Variants in COL25A1 observed in about 807,000 individuals in gnomAD.
The protein encoded by COL25A1 is collagen type XXV alpha 1 chain, also known as collagen alpha-1(XXV) chain.
A neutral mutation model predicts 128.4 loss-of-function variants in COL25A1; 103 were observed. The observed-to-expected ratio is 0.80, with a 90% CI of 0.68 to 0.94. The LOEUF (loss-of-function observed/expected upper bound fraction) is 0.94. COL25A1 is among the 40% of genes least tolerant of loss of function. COL25A1 has a pLI of 0.00. For missense variants in COL25A1, 745 were observed against 840.0 expected, an observed-to-expected ratio of 0.89 and a Z score of 1.40; for synonymous variants, 279 against 277.2, an observed-to-expected ratio of 1.01 and a Z score of -0.06.
intron 5 of COL25A1, among the ~76,000 whole-genome samples, chr4:109,013,841 A>ACCG (rs1561026577): frequency 3.9e-5 from 6 of 151,938 alleles, no homozygotes; most frequent in African/African-American, 1.5e-4. Flanking sequence ...AACACTCACC[A>ACCG]TGAGAATCCG....
chr4:109,215,829 C>T (rs1410096592), intron 3 of COL25A1, among the ~76,000 whole-genome samples: 1 of 152,038 alleles, frequency 6.6e-6, no homozygotes, highest in Non-Finnish European at 1.5e-5. Flanking sequence ...AGCATGAGAC[C>T]CTCCTCAAAG....
intron 16 of COL25A1, among the ~76,000 whole-genome samples, chr4:108,890,420 G>GT (rs368607657): frequency 5.0e-4 from 76 of 152,248 alleles, no homozygotes; most frequent in African/African-American, 1.8e-3. Flanking sequence ...TTGAGAATCT[G>GT]TTTTTTTATA....
chr4:109,082,425 T>C (rs1281085322), intron 3 of COL25A1, among the ~76,000 whole-genome samples: 1 of 152,228 alleles, frequency 6.6e-6, no homozygotes, highest in Non-Finnish European at 1.5e-5. Context: ...CCCATCAGCA[T>C]GTATGAGGGT....
chr4:109,162,925 T>C (rs1772723194), intron 3 of COL25A1, among the ~76,000 whole-genome samples: 1 of 152,208 alleles, frequency 6.6e-6, no homozygotes, highest in Non-Finnish European at 1.5e-5. Context: ...GGATAAGTCG[T>C]TCTCTCTTCC....
intron 3 of COL25A1, among the ~76,000 whole-genome samples, chr4:109,188,934 G>A (rs1775363100): frequency 6.6e-6 from 1 of 151,764 alleles, no homozygotes; most frequent in South Asian, 2.1e-4. Context: ...GTGGGGGTAG[G>A]GGGCAGGGGA....
Position 108,896,713 on chromosome 4 carries a change from T to C in COL25A1, c.862-2A>G. 6.2e-7 allele frequency: 1 copy of C among 1,613,738 alleles called. No homozygotes were observed. Among genetic ancestry groups the C allele is most frequent in the South Asian group, 1.1e-5 (1 of 91,078 alleles). ...GGGGCCGTTCTCTCCAGCGTCTCCCTGAGGAGGTGAGAAAGTGACACATGT... is the reference window on the plus strand; with the variant it reads ...GGGGCCGTTCTCTCCAGCGTCTCCCCGAGGAGGTGAGAAAGTGACACATGT... On this transcript the variant is annotated splice_acceptor_variant, in intron 15 of 37. Coordinates refer to ENST00000399132, the MANE Select transcript of COL25A1 (RefSeq NM_198721.4). LOFTEE classifies it high-confidence loss of function.
intron 12 of COL25A1, among the ~76,000 whole-genome samples, chr4:108,918,958 C>T (rs960719231): frequency 6.6e-6 from 1 of 152,304 alleles, no homozygotes; most frequent in African/African-American, 2.4e-5. Flanking sequence ...TGACATTTAA[C>T]GGGATATAGA....
chr4:108,843,768 T>C (rs969974634), intron 30 of COL25A1, among the ~76,000 whole-genome samples: 2 of 152,192 alleles, frequency 1.3e-5, no homozygotes, highest in Non-Finnish European at 2.9e-5. Flanking sequence ...ATAATAACTA[T>C]ATATTTATGG....
At chr4:109,296,590 A>G (rs1264086776) in intron 3 of COL25A1, among the ~76,000 whole-genome samples, 1 of 152,126 alleles carries the variant, frequency 6.6e-6, no homozygotes, top group Admixed American at 6.6e-5. Context: ...ATGCCCTTCA[A>G]AATCATTCTT....
chr4:108,877,653 AAACT>A (rs1739614387), intron 19 of COL25A1, among the ~76,000 whole-genome samples: 1 of 152,110 alleles, frequency 6.6e-6, no homozygotes, highest in Non-Finnish European at 1.5e-5. Context: ...AAAAAACAAA[AAACT>A]AACAAATAAA....
intron 3 of COL25A1, among the ~76,000 whole-genome samples, chr4:109,144,511 C>G (rs991445037): frequency 1.3e-5 from 2 of 152,202 alleles, no homozygotes; most frequent in African/African-American, 4.8e-5. Flanking sequence ...CCCCTTCCCC[C>G]AGGTGTTCTG....
intron 3 of COL25A1, among the ~76,000 whole-genome samples, chr4:109,179,688 C>T (rs1222943482): frequency 6.6e-6 from 1 of 152,160 alleles, no homozygotes; most frequent in African/African-American, 2.4e-5. Context: ...ACTTGAACTT[C>T]TTGAAGCTGT....
intron 26 of COL25A1, 121 bp from the exon 27 acceptor site, chr4:108,848,924 C>T (rs1406485327): frequency 5.7e-6 from 4 of 703,030 alleles, no homozygotes; most frequent in African/African-American, 3.6e-5. Context: ...CATCATAACC[C>T]GAGAATATTC....
chr4:109,168,305 A>G (rs1180665765), intron 3 of COL25A1, among the ~76,000 whole-genome samples: 2 of 152,142 alleles, frequency 1.3e-5, no homozygotes, highest in African/African-American at 4.8e-5. Context: ...GATCATGCTC[A>G]CCATCATGGA....
At chr4:108,963,644 G>T (rs948490930) in intron 8 of COL25A1, among the ~76,000 whole-genome samples, 2 of 151,926 alleles carry the variant, frequency 1.3e-5, no homozygotes, top group African/African-American at 4.8e-5. Flanking sequence ...TTAAATATAA[G>T]ACAAAGAATA....
chr4:109,281,677 T>C (rs976649188), intron 3 of COL25A1, among the ~76,000 whole-genome samples: 6 of 152,118 alleles, frequency 3.9e-5, no homozygotes, highest in Non-Finnish European at 8.8e-5. Flanking sequence ...CAAAACCATA[T>C]TTTATATGCA....
chr4:109,053,681 T>C (rs1024206667), intron 3 of COL25A1, among the ~76,000 whole-genome samples: 1 of 152,252 alleles, frequency 6.6e-6, no homozygotes, highest in Admixed American at 6.5e-5. Context: ...GTAATCTTTC[T>C]TGATACTCCA....
intron 33 of COL25A1, among the ~76,000 whole-genome samples, chr4:108,826,917 G>C (rs1310868754): frequency 6.6e-6 from 1 of 152,152 alleles, no homozygotes; most frequent in Admixed American, 6.5e-5. Context: ...TGTCAATCTC[G>C]TGAAGTGCCT....
Position 108,957,195 on chromosome 4 carries a change from A to G in COL25A1, c.493-15758T>C, listed in dbSNP as rs915197586. Among the ~76,000 whole-genome samples the G allele has an allele frequency of 5.3e-5, 8 of 152,262 alleles. No homozygotes were observed. In the South Asian group the frequency reaches 1.7e-3, roughly 32 times the overall value. On this transcript the variant is annotated intron_variant, in intron 8 of 37. Coordinates refer to ENST00000399132, the MANE Select transcript of COL25A1 (RefSeq NM_198721.4). ...ACATTATCCTTTAAGGAGGACATAGAAGCATGAATACAGAACCAGGACGGT... is the reference window on the plus strand; with the variant it reads ...ACATTATCCTTTAAGGAGGACATAGGAGCATGAATACAGAACCAGGACGGT...
Sources: gnomAD v4.1 joint callset for allele counts (sites outside exome capture counted in the v4.1 genomes callset) on GRCh38, gnomAD v4.1.1 for gene constraint, MANE v1.5 for transcripts, NCBI Gene and HGNC (gene_info 2026-07-23, HGNC 2026-07-21) for gene names.